RYR2: variants seen among roughly 807,000 people sequenced by gnomAD.
RYR2 encodes ryanodine receptor 2, also known as cardiac muscle ryanodine receptor-calcium release channel.
RYR2 carries 227 observed loss-of-function variants against 601.1 expected under a neutral mutation model. That is an observed-to-expected ratio of 0.38 (90% CI 0.34 to 0.42). The LOEUF (loss-of-function observed/expected upper bound fraction) is 0.42, where lower values mean the gene tolerates loss of function less well. RYR2 is among the 10% of genes least tolerant of loss of function. The probability of loss-of-function intolerance (pLI) is 1.00; values close to 1 mark genes in which losing one functional copy is unlikely to be tolerated. For synonymous variants in RYR2, 2,223 were observed against 2,175.1 expected, an observed-to-expected ratio of 1.02 and a Z score of -0.61; for missense variants, 4,646 against 6,156.5, an observed-to-expected ratio of 0.75 and a Z score of 8.21.
At chr1:237,147,947 G>T (rs953173323) in intron 1 of RYR2, among the ~76,000 whole-genome samples, 9 of 152,198 alleles carry the variant, frequency 5.9e-5, no homozygotes, top group African/African-American at 1.9e-4. Context: ...TTTGGCCTTG[G>T]CCTTTTCATG....
chr1:237,558,688 T>G (rs2805469), intron 27 of RYR2, among the ~76,000 whole-genome samples: 51,224 of 152,018 alleles, frequency 0.34, 9,529 homozygotes, highest in East Asian at 0.5. Context: ...ATTTATTCAT[T>G]CTTTCTTCTC....
chr1:237,451,450 T>G (rs545756766), intron 14 of RYR2, among the ~76,000 whole-genome samples: 9 of 152,086 alleles, frequency 5.9e-5, no homozygotes, highest in Admixed American at 2.0e-4. Context: ...GGCATGAGCC[T>G]GTAATCTCAG....
chr1:237,764,778 C>CG (rs140912280), intron 84 of RYR2, among the ~76,000 whole-genome samples: 149 of 152,146 alleles, frequency 9.8e-4, no homozygotes, highest in African/African-American at 3.5e-3. Flanking sequence ...TGTCCCTTTC[C>CG]GGGACACAAA....
intron 10 of RYR2, among the ~76,000 whole-genome samples, chr1:237,402,723 T>C (rs1477317377): frequency 2.1e-5 from 3 of 145,866 alleles, no homozygotes; most frequent in African/African-American, 7.6e-5. Flanking sequence ...GATACCAGCC[T>C]GGACAACATA....
At position 237,536,843 on chromosome 1, in the gene RYR2, G is replaced by A. The variant is rs373972415; in HGVS notation, c.2906+6333G>A. 2.6e-5 allele frequency among the ~76,000 whole-genome samples: 4 copies of A among 151,174 alleles called. No homozygotes were observed. In the East Asian group the frequency reaches 7.8e-4, roughly 29 times the overall value. The stretch of plus-strand genomic sequence containing the variant: ...GGAGCTTGCAGTGAGCCGAGATCGC[G>A]CCACTGCACTCCAGCCTGGGCGACA... On this transcript the variant is annotated intron_variant, in intron 25 of 104. Coordinates refer to ENST00000366574, the MANE Select transcript of RYR2 (RefSeq NM_001035.3).
intron 5 of RYR2, among the ~76,000 whole-genome samples, chr1:237,366,600 A>G (rs1700212763): frequency 6.6e-6 from 1 of 151,980 alleles, no homozygotes; most frequent in African/African-American, 2.4e-5. Flanking sequence ...CACAGAGCCA[A>G]AAAACAAAAA....
At chr1:237,219,630 C>T (rs1683580511) in intron 1 of RYR2, among the ~76,000 whole-genome samples, 1 of 152,116 alleles carries the variant, frequency 6.6e-6, no homozygotes, top group South Asian at 2.1e-4. Flanking sequence ...ATGAGTACTG[C>T]ACAAACCTGA....
chr1:237,531,897 A>C (rs1392885953), intron 25 of RYR2, among the ~76,000 whole-genome samples: 1 of 152,162 alleles, frequency 6.6e-6, no homozygotes, highest in African/African-American at 2.4e-5. Flanking sequence ...AAATGATATA[A>C]AAATGTTGAT....
chr1:237,527,453 C>T (rs1667707541), intron 24 of RYR2, among the ~76,000 whole-genome samples: 1 of 152,186 alleles, frequency 6.6e-6, no homozygotes, highest in Non-Finnish European at 1.5e-5. Flanking sequence ...ATTTATGAAG[C>T]ATATAGTGCA....
At chr1:237,481,127 C>CATATATATAT (rs764876848) in intron 17 of RYR2, among the ~76,000 whole-genome samples, 1,625 of 145,422 alleles carry the variant, frequency 0.011, 21 homozygotes, top group East Asian at 0.082. Context: ...TATATATATA[C>CATATATATAT]ACACACATAT....
intron 67 of RYR2, among the ~76,000 whole-genome samples, chr1:237,706,682 AG>A (rs1379054811): frequency 5.3e-5 from 8 of 152,126 alleles, no homozygotes; most frequent in Non-Finnish European, 2.9e-5. Context: ...AGAGCAGCAA[AG>A]TTAGAGGAGG....
intron 1 of RYR2, among the ~76,000 whole-genome samples, chr1:237,215,953 A>C (rs193293604): frequency 1.3e-5 from 2 of 152,336 alleles, no homozygotes; most frequent in Admixed American, 1.3e-4. Context: ...TAACCAATTA[A>C]TATGGAGCTC....
intron 35 of RYR2, 46 bp downstream of exon 35, chr1:237,602,157 G>A (rs749269929): frequency 4.9e-6 from 7 of 1,420,328 alleles, no homozygotes; most frequent in Non-Finnish European, 6.9e-6. Flanking sequence ...TTTTCTATTA[G>A]GATATAGCAT....
At chr1:237,430,501 A>T (rs1200431788) in intron 12 of RYR2, among the ~76,000 whole-genome samples, 1 of 152,152 alleles carries the variant, frequency 6.6e-6, no homozygotes, top group Non-Finnish European at 1.5e-5. Context: ...AAGGATATAC[A>T]CTAATCATTT....
chr1:237,117,802 A>G (rs1670306007), intron 1 of RYR2, among the ~76,000 whole-genome samples: 1 of 150,040 alleles, frequency 6.7e-6, no homozygotes, highest in African/African-American at 2.5e-5. Context: ...CTGGAGTGCA[A>G]TGGCACAATC....
At chr1:237,769,913 GTGTT>G (rs979700834) in intron 84 of RYR2, among the ~76,000 whole-genome samples, 4 of 151,938 alleles carry the variant, frequency 2.6e-5, no homozygotes, top group Non-Finnish European at 2.9e-5. Context: ...GTGCTGTTCT[GTGTT>G]TGTTTCTTTC....
chr1:237,317,246 C>T (rs1695203784), intron 2 of RYR2, among the ~76,000 whole-genome samples: 1 of 152,292 alleles, frequency 6.6e-6, no homozygotes, highest in Non-Finnish European at 1.5e-5. Flanking sequence ...AATAACTCTA[C>T]CTCAGAAGTG....
intron 50 of RYR2, among the ~76,000 whole-genome samples, 155 bp downstream of exon 50, chr1:237,650,252 C>T (rs1573339312): frequency 6.6e-6 from 1 of 152,188 alleles, no homozygotes; most frequent in East Asian, 1.9e-4. Flanking sequence ...TGAGTCTTCT[C>T]TGATCGCCCT....
chr1:237,636,907 C>T (rs1680933601), intron 44 of RYR2, among the ~76,000 whole-genome samples: 1 of 152,158 alleles, frequency 6.6e-6, no homozygotes, highest in South Asian at 2.1e-4. Context: ...ATCCCAAAAT[C>T]ATATGCTGAG....
Sources: allele counts gnomAD v4.1 joint callset (sites outside exome capture counted in the v4.1 genomes callset), GRCh38; gene constraint gnomAD v4.1.1; transcripts MANE v1.5; gene names NCBI Gene and HGNC (gene_info 2026-07-23, HGNC 2026-07-21).